BMS1: variants seen among roughly 807,000 people sequenced by gnomAD.
The protein encoded by BMS1 is ribosome biogenesis protein BMS1 homolog.
BMS1 carries 53 observed loss-of-function variants against 138.7 expected under a neutral mutation model. That is an observed-to-expected ratio of 0.38 (90% CI 0.31 to 0.48). BMS1 has a LOEUF of 0.48. Among genes scored for constraint, BMS1 ranks in the 20% least tolerant of loss-of-function variants. BMS1 has a pLI of 0.97. For synonymous variants in BMS1, 504 were observed against 539.9 expected, an observed-to-expected ratio of 0.93 and a Z score of 0.92; for missense variants, 1,360 against 1,565.5, an observed-to-expected ratio of 0.87 and a Z score of 2.22.
chr10:42,793,957 A>G lies in BMS1; in HGVS notation c.1195A>G (p.Lys399Glu). 6.2e-7 allele frequency: 1 copy of G among 1,611,872 alleles called. No individual in the cohort carries two copies. The highest frequency in any genetic ancestry group is 8.5e-7 in the Non-Finnish European group (1 of 1,179,802). Reference sequence around the variant, plus strand: ...TCGAGTGACGCTGTTTTCTGATTCCAAGCCACTTGGGTCAGAGGATATAGA... The same window carrying G: ...TCGAGTGACGCTGTTTTCTGATTCCGAGCCACTTGGGTCAGAGGATATAGA... Reference protein sequence around the residue: ...SSRVTLFSDSKPLGSEDIDNQ... With the variant: ...SSRVTLFSDSEPLGSEDIDNQ... The change falls in exon 9 of 23, where the codon AAG becomes GAG. Residue 399 changes from lysine to glutamate, a missense_variant. By Grantham distance (56) the Lys-to-Glu change is moderately conservative. Around this residue, in one of 3 missense-constraint regions of BMS1, gnomAD observed 697 missense variants for 686.2 expected, o/e 1.02. Transcript: ENST00000374518.
At position 42,791,787 on chromosome 10, in the gene BMS1, GC is replaced by G. The variant is rs772248598; in HGVS notation, c.779+19del. 15 of 1,590,558 alleles carry G rather than the reference GC, an allele frequency of 9.4e-6. No homozygotes were observed. The highest frequency in any genetic ancestry group is 1.1e-5 in the Non-Finnish European group (13 of 1,173,606). On this transcript the variant is annotated intron_variant, in intron 6 of 22. Transcript: ENST00000374518. Reference sequence around the variant, plus strand: ...GCAGACAGGTAAAATATGATTTTAAGCTTTTTCTTCCTGGGCCATATATTTC... The same window carrying G: ...GCAGACAGGTAAAATATGATTTTAAGTTTTTCTTCCTGGGCCATATATTTC...
At chr10:42,826,411 G>A (rs563237662) in intron 21 of BMS1, among the ~76,000 whole-genome samples, 2 of 152,124 alleles carry the variant, frequency 1.3e-5, no homozygotes, top group Non-Finnish European at 2.9e-5. Context: ...CTGGACATGG[G>A]AGTGACATAA....
intron 6 of BMS1, 60 bp downstream of exon 6, chr10:42,791,829 A>G: frequency 6.5e-7 from 1 of 1,540,668 alleles, no homozygotes; most frequent in South Asian, 1.3e-5. Context: ...TAAAAAGGCT[A>G]GAAAAAGAAC....
At chr10:42,811,270 C>G (rs905332516) in intron 13 of BMS1, among the ~76,000 whole-genome samples, 1 of 151,870 alleles carries the variant, frequency 6.6e-6, no homozygotes, top group South Asian at 2.1e-4. Flanking sequence ...CTCAAGCTCC[C>G]AACCTCAGTT....
chr10:42,793,733 G>C, intron 8 of BMS1, 119 bp from the exon 9 acceptor site: 2 of 1,162,770 alleles, frequency 1.7e-6, no homozygotes, highest in South Asian at 1.6e-5. Context: ...GCTTTTTGAG[G>C]CATTAAGAAA....
chr10:42,803,927 T>C (rs890139642), intron 13 of BMS1, among the ~76,000 whole-genome samples: 5 of 152,224 alleles, frequency 3.3e-5, no homozygotes, highest in Non-Finnish European at 7.3e-5. Flanking sequence ...ACCAGGTACA[T>C]TCAGCTGCCT....
chr10:42,817,576 G>C, intron 15 of BMS1, 82 bp downstream of exon 15: 1 of 1,335,286 alleles, frequency 7.5e-7, no homozygotes, highest in Non-Finnish European at 1.0e-6. Flanking sequence ...GGGTCCCTAC[G>C]TCCTATCCTG....
chr10:42,812,518 A>G (rs564171975), intron 13 of BMS1, among the ~76,000 whole-genome samples: 1 of 152,350 alleles, frequency 6.6e-6, no homozygotes, highest in Admixed American at 6.5e-5. Flanking sequence ...TTTGTCATTA[A>G]GCAGATGTTA....
Position 42,798,576 on chromosome 10 carries a change from ACTGCTCCAGATTT to A in BMS1, c.2201_2213del (p.Cys734LeufsTer10). On this transcript the variant is annotated frameshift_variant, in exon 12 of 23. Transcript: ENST00000374518. LOFTEE classifies it high-confidence loss of function. Reference sequence around the variant, plus strand: ...TGTAAGCACAAGGCTGACTCTTTGGACTGCTCCAGATTTCTTGTGGAGGCCCCCCATGACTGGG... The same window carrying A: ...TGTAAGCACAAGGCTGACTCTTTGGACTTGTGGAGGCCCCCCATGACTGGG... 6.2e-7 allele frequency: 1 copy of A among 1,614,244 alleles called. No homozygotes were observed. The highest frequency in any genetic ancestry group is 8.5e-7 in the Non-Finnish European group (1 of 1,180,052).
intron 21 of BMS1, among the ~76,000 whole-genome samples, chr10:42,829,787 C>G (rs1392798256): frequency 3.9e-5 from 6 of 152,062 alleles, no homozygotes. Context: ...CGGCACTGCT[C>G]TCTAGCCTGG....
chr10:42,820,763 T>C lies in BMS1; in HGVS notation c.2950+75T>C, dbSNP rs971651640. 9.5e-5 allele frequency: 146 copies of C among 1,541,486 alleles called. 2 individuals are homozygous for C. The highest frequency in any genetic ancestry group is 6.3e-4 in the Admixed American group (34 of 54,164). ...GGCTGCGTTATTATAGCTTTGTGCT[T>C]TTCTTTCATAAAATTCCACTCCTAA... On this transcript the variant is annotated intron_variant, in intron 17 of 22. Transcript: ENST00000374518.
At chr10:42,808,460 G>A (rs551017200) in intron 13 of BMS1, among the ~76,000 whole-genome samples, 4 of 151,438 alleles carry the variant, frequency 2.6e-5, no homozygotes, top group South Asian at 2.1e-4. Flanking sequence ...CACCACATCC[G>A]GCTAATTTTT....
chr10:42,785,450 A>G (rs760976859), intron 2 of BMS1, 32 bp from the exon 3 acceptor site: 17 of 1,543,290 alleles, frequency 1.1e-5, no homozygotes, highest in South Asian at 6.2e-5. Flanking sequence ...TGAGTTTACT[A>G]TTTATTTATT....
chr10:42,818,492 G>A (rs1448276425), intron 15 of BMS1, among the ~76,000 whole-genome samples: 1 of 152,190 alleles, frequency 6.6e-6, no homozygotes, highest in Non-Finnish European at 1.5e-5. Flanking sequence ...GTCAAACCCG[G>A]ATAGACTTTA....
Position 42,796,992 on chromosome 10 carries a change from C to G in BMS1, c.1748C>G (p.Thr583Arg). The G allele has an allele frequency of 6.2e-7, 1 of 1,614,188 alleles. No individual in the cohort carries two copies. Among genetic ancestry groups the G allele is most frequent in the Non-Finnish European group, 8.5e-7 (1 of 1,180,032 alleles). ...ALPTFDSGHC[T>R]AEEVFASEDE... is the part of the protein sequence containing the mutation. Reference sequence around the variant, plus strand: ...CCCACTTTCGATTCTGGGCATTGCACAGCTGAAGAGGTGTTTGCATCTGAA... The same window carrying G: ...CCCACTTTCGATTCTGGGCATTGCAGAGCTGAAGAGGTGTTTGCATCTGAA... The change falls in exon 10 of 23, where the codon ACA becomes AGA. Residue 583 changes from threonine to arginine, a missense_variant. By Grantham distance (71) the Thr-to-Arg change is moderately conservative (BLOSUM62 -1). Around this residue, in one of 3 missense-constraint regions of BMS1, gnomAD observed 697 missense variants for 686.2 expected, o/e 1.02. Coordinates refer to ENST00000374518, the MANE Select transcript of BMS1 (RefSeq NM_014753.4).
intron 13 of BMS1, among the ~76,000 whole-genome samples, chr10:42,810,066 C>T (rs1169931859): frequency 1.3e-5 from 2 of 150,934 alleles, no homozygotes; most frequent in African/African-American, 2.4e-5. Context: ...GCCTCCCAAG[C>T]GTTAGGTTTA....
chr10:42,821,542 C>CT (rs34272995), intron 18 of BMS1, among the ~76,000 whole-genome samples: 3,846 of 68,620 alleles, frequency 0.056, 1,227 homozygotes, highest in African/African-American at 0.14. Flanking sequence ...CTCAAGGCGC[C>CT]TTTTTTTTTT....
At chr10:42,792,297 T>C (rs1841528112) in intron 6 of BMS1, among the ~76,000 whole-genome samples, 196 bp from the exon 7 acceptor site, 1 of 152,200 alleles carries the variant, frequency 6.6e-6, no homozygotes, top group African/African-American at 2.4e-5. Flanking sequence ...GAATATCACT[T>C]TCAGCCTAGA....
chr10:42,830,183 G>A, intron 21 of BMS1, 78 bp from the exon 22 acceptor site: 1 of 1,537,682 alleles, frequency 6.5e-7, no homozygotes. Context: ...TCAACCCATT[G>A]AGAAGATTTT....
Sources: allele counts gnomAD v4.1 joint callset (sites outside exome capture counted in the v4.1 genomes callset), GRCh38; gene constraint gnomAD v4.1.1; regional missense constraint gnomAD v4.1.1; transcripts MANE v1.5; gene names NCBI Gene and HGNC (gene_info 2026-07-23, HGNC 2026-07-21).